The following CTNNA2 variants were observed in gnomAD, a reference collection of about 807,000 sequenced individuals.
CTNNA2 encodes the protein catenin alpha-2.
CTNNA2 carries 42 observed loss-of-function variants against 101.0 expected under a neutral mutation model. The ratio of observed to expected loss-of-function variants is 0.42; its 90% CI spans 0.32 to 0.54. CTNNA2 has a LOEUF of 0.54. Ranked by LOEUF, CTNNA2 falls within the 20% of genes least tolerant of loss-of-function variation. The pLI is 0.14. For missense variants in CTNNA2, 871 were observed against 1,223.1 expected, an observed-to-expected ratio of 0.71 and a Z score of 4.29; for synonymous variants, 450 against 456.4, an observed-to-expected ratio of 0.99 and a Z score of 0.18.
chr2:79,769,948 T>A (rs1673452522), intron 3 of CTNNA2, among the ~76,000 whole-genome samples: 1 of 152,212 alleles, frequency 6.6e-6, no homozygotes, highest in Admixed American at 6.5e-5. Context: ...AAAATGTGAC[T>A]AGTGTGACTG....
At chr2:80,275,917 T>G (rs1673867015) in intron 7 of CTNNA2, among the ~76,000 whole-genome samples, 1 of 152,188 alleles carries the variant, frequency 6.6e-6, no homozygotes, top group South Asian at 2.1e-4. Flanking sequence ...TTAAGTTATA[T>G]GTCATAATAT....
chr2:79,986,487 A>G (rs1229426434), intron 7 of CTNNA2, among the ~76,000 whole-genome samples: 1 of 152,100 alleles, frequency 6.6e-6, no homozygotes, highest in Admixed American at 6.6e-5. Flanking sequence ...TAATAGTCTC[A>G]ACAAAGGATC....
intron 1 of CTNNA2, among the ~76,000 whole-genome samples, chr2:79,622,388 A>C (rs1451153839): frequency 6.6e-6 from 1 of 152,218 alleles, no homozygotes; most frequent in Non-Finnish European, 1.5e-5. Flanking sequence ...ACAGATAAGG[A>C]ACTTAACTTC....
chr2:79,361,140 G>C (rs1677618641), intron 3 of CTNNA2, among the ~76,000 whole-genome samples: 1 of 152,052 alleles, frequency 6.6e-6, no homozygotes, highest in Non-Finnish European at 1.5e-5. Flanking sequence ...AACATCTCTT[G>C]ATCCTATATT....
intron 7 of CTNNA2, among the ~76,000 whole-genome samples, chr2:80,228,687 T>A (rs1709029597): frequency 6.6e-6 from 1 of 152,176 alleles, no homozygotes; most frequent in South Asian, 2.1e-4. Flanking sequence ...GAGGTCACTG[T>A]CTGAATCTGA....
intron 7 of CTNNA2, among the ~76,000 whole-genome samples, chr2:80,210,208 T>C (rs1280787190): frequency 1.3e-5 from 2 of 152,172 alleles, no homozygotes; most frequent in East Asian, 1.9e-4. Context: ...TCTGAACACA[T>C]TGTTTTTCTT....
Position 80,230,260 on chromosome 2 carries a change from G to GTTTCTT in CTNNA2, c.1057-162948_1057-162947insCTTTTT, listed in dbSNP as rs1553472975. Among the ~76,000 whole-genome samples the GTTTCTT allele has an allele frequency of 7.3e-4, 89 of 121,626 alleles. 1 individual carries two copies. Among genetic ancestry groups the GTTTCTT allele is most frequent in the African/African-American group, 2.9e-3 (89 of 30,404 alleles). 79.8% of individuals were successfully genotyped at this position (121,626 alleles called of 152,430 possible). On this transcript the variant is annotated intron_variant, in intron 7 of 18. Transcript: ENST00000402739. ...TCTCTCTCTCTCTTTTTTTTTCTTTGTTTTTTTTTTTTTTTTTAAGAGATA... is the reference window on the plus strand; with the variant it reads ...TCTCTCTCTCTCTTTTTTTTTCTTTGTTTCTTTTTTTTTTTTTTTTTTTAAGAGATA...
At chr2:79,524,652 C>T (rs1157984649) in intron 1 of CTNNA2, 1 of 151,798 alleles carries the variant, frequency 6.6e-6, no homozygotes, top group Non-Finnish European at 1.5e-5. Context: ...TGTCTTCTAT[C>T]TTAGATTTAG....
intron 3 of CTNNA2, among the ~76,000 whole-genome samples, chr2:79,348,932 A>G (rs930298785): frequency 2.6e-5 from 4 of 152,212 alleles, no homozygotes; most frequent in Non-Finnish European, 5.9e-5. Flanking sequence ...ATGATGCCTG[A>G]TATATCAGCC....
chr2:79,720,823 A>G (rs1052729874), intron 2 of CTNNA2, among the ~76,000 whole-genome samples: 22 of 152,106 alleles, frequency 1.4e-4, no homozygotes, highest in Non-Finnish European at 2.5e-4. Flanking sequence ...TCTTCAGGGA[A>G]GATAGTTTTA....
intron 3 of CTNNA2, among the ~76,000 whole-genome samples, chr2:79,319,392 G>T (rs990570937): frequency 2.6e-5 from 4 of 152,086 alleles, no homozygotes; most frequent in Admixed American, 1.3e-4. Context: ...GAACATGAAG[G>T]CTAGAACTCT....
intron 7 of CTNNA2, among the ~76,000 whole-genome samples, chr2:80,367,853 A>C (rs561384814): frequency 6.6e-6 from 1 of 152,136 alleles, no homozygotes; most frequent in Non-Finnish European, 1.5e-5. Context: ...TGAGTAGGAT[A>C]TCAGAAATAG....
chr2:79,887,988 C>G (rs933352744), intron 6 of CTNNA2, among the ~76,000 whole-genome samples: 6 of 152,138 alleles, frequency 3.9e-5, no homozygotes, highest in Non-Finnish European at 7.4e-5. Flanking sequence ...TTCTTAGATC[C>G]CTGTAAACAT....
chr2:79,403,590 C>A (rs1023801826), intron 4 of CTNNA2, among the ~76,000 whole-genome samples: 1 of 151,644 alleles, frequency 6.6e-6, no homozygotes, highest in East Asian at 1.9e-4. Context: ...ACTACAAAAA[C>A]CAGGAAACTC....
At chr2:79,643,105 C>T (rs547749130) in intron 1 of CTNNA2, among the ~76,000 whole-genome samples, 42 of 152,092 alleles carry the variant, frequency 2.8e-4, no homozygotes, top group African/African-American at 8.4e-4. Flanking sequence ...GCAGGAGAAT[C>T]GCTTGAACTG....
At chr2:79,355,885 A>C (rs2104442629) in intron 3 of CTNNA2, among the ~76,000 whole-genome samples, 1 of 152,198 alleles carries the variant, frequency 6.6e-6, no homozygotes, top group African/African-American at 2.4e-5. Flanking sequence ...TATTGTCAGT[A>C]GTGCTGCTGT....
chr2:80,218,194 G>A (rs1412090484), intron 7 of CTNNA2, among the ~76,000 whole-genome samples: 3 of 152,198 alleles, frequency 2.0e-5, no homozygotes, highest in Non-Finnish European at 4.4e-5. Flanking sequence ...CTACCCATAA[G>A]TCTGGCTCTA....
intron 4 of CTNNA2, among the ~76,000 whole-genome samples, chr2:79,484,922 C>A (rs552136034): frequency 6.6e-6 from 1 of 152,288 alleles, no homozygotes; most frequent in East Asian, 1.9e-4. Flanking sequence ...GCTATCTCTA[C>A]AGAAATTTGA....
chr2:79,894,305 T>C (rs942153333), intron 6 of CTNNA2, among the ~76,000 whole-genome samples: 9 of 151,972 alleles, frequency 5.9e-5, no homozygotes, highest in African/African-American at 2.2e-4. Flanking sequence ...ATCATTGCAA[T>C]AACTTCCTAA....
Sources: gnomAD v4.1 joint callset for allele counts (sites outside exome capture counted in the v4.1 genomes callset) on GRCh38, gnomAD v4.1.1 for gene constraint, MANE v1.5 for transcripts, NCBI Gene and HGNC (gene_info 2026-07-23, HGNC 2026-07-21) for gene names.